GPATCH1: variants seen among roughly 807,000 people sequenced by gnomAD.
The protein encoded by GPATCH1 is G-patch domain containing 1.
Under a neutral mutation model 114.9 loss-of-function variants are expected in GPATCH1, and 73 were observed. The ratio of observed to expected loss-of-function variants is 0.64; its 90% CI spans 0.53 to 0.77. The LOEUF (loss-of-function observed/expected upper bound fraction) is 0.77. Among genes scored for constraint, GPATCH1 ranks in the 30% least tolerant of loss-of-function variants. GPATCH1 has a pLI of 0.00. For missense variants in GPATCH1, 1,058 were observed against 1,144.3 expected (o/e 0.92, Z 1.09); for synonymous variants, 391 against 428.4 (o/e 0.91, Z 1.08).
At chr19:33,087,341 G>C (rs1448454413) in intron 1 of GPATCH1, among the ~76,000 whole-genome samples, 1 of 152,038 alleles carries the variant, frequency 6.6e-6, no homozygotes, top group Admixed American at 6.6e-5. Context: ...ATAGTACCTG[G>C]GAGTTTAAAC....
At position 33,090,960 on chromosome 19, in the gene GPATCH1, C is replaced by G. The variant is rs574722828; in HGVS notation, c.294+95C>G. 5.5e-6 allele frequency: 4 copies of G among 730,490 alleles called. No homozygotes were observed. In the East Asian group the frequency reaches 1.0e-4, roughly 19 times the overall value. The allele number at this position is 730,490 out of a possible 1,614,324, so 45.3% of individuals were successfully genotyped here. On this transcript the variant is annotated intron_variant, in intron 3 of 19. Transcript: ENST00000170564. ...CTCTCTCCCCAGAAGGTCCAATGTACGATTTCCTCTTTGTTTGTAAGGCTT... is the reference window on the plus strand; with the variant it reads ...CTCTCTCCCCAGAAGGTCCAATGTAGGATTTCCTCTTTGTTTGTAAGGCTT...
Position 33,097,918 on chromosome 19 carries a change from C to T in GPATCH1, c.1000+16C>T. 1 of 1,612,688 alleles carries T rather than the reference C, an allele frequency of 6.2e-7. No homozygotes were observed. The highest frequency in any genetic ancestry group is 2.2e-5 in the East Asian group (1 of 44,876). On this transcript the variant is annotated intron_variant, in intron 8 of 19. Transcript: ENST00000170564. Reference sequence around the variant, plus strand: ...AACCAGAAAGGTAATTCGACAGCCACAAACCTAATGGCAGGACCAAGTGTC... The same window carrying T: ...AACCAGAAAGGTAATTCGACAGCCATAAACCTAATGGCAGGACCAAGTGTC...
intron 16 of GPATCH1, 146 bp from the exon 17 acceptor site, chr19:33,118,864 G>A (rs1972945272): frequency 3.6e-6 from 2 of 553,270 alleles, no homozygotes; most frequent in Non-Finnish European, 6.4e-6. Context: ...CGGGGTCTGC[G>A]TGTTCACTGC....
chr19:33,106,353 T>A (rs1454138295), intron 9 of GPATCH1, among the ~76,000 whole-genome samples: 1 of 152,184 alleles, frequency 6.6e-6, no homozygotes, highest in African/African-American at 2.4e-5. Flanking sequence ...TTTTCTGATG[T>A]ACAGTGGGCC....
chr19:33,110,995 T>TTG (rs56841831), intron 11 of GPATCH1, among the ~76,000 whole-genome samples: 11 of 147,650 alleles, frequency 7.5e-5, no homozygotes, highest in African/African-American at 2.7e-4. Flanking sequence ...TAAAATATAT[T>TTG]ATATATATAT....
At chr19:33,127,502 C>G (rs578099738) in intron 19 of GPATCH1, among the ~76,000 whole-genome samples, 3 of 143,776 alleles carry the variant, frequency 2.1e-5, no homozygotes, top group African/African-American at 7.8e-5. Flanking sequence ...GGCGACAGAG[C>G]GAGACTCTTG....
chr19:33,101,484 T>A lies in GPATCH1; in HGVS notation c.1001-11T>A. 1.3e-6 allele frequency: 2 copies of A among 1,488,238 alleles called. No individual in the cohort carries two copies. Among genetic ancestry groups the A allele is most frequent in the Non-Finnish European group, 9.4e-7 (1 of 1,066,356 alleles). 92.2% of individuals were successfully genotyped at this position (1,488,238 alleles called of 1,614,324 possible). A position where few individuals can be genotyped will look rare whatever the true frequency, so the allele number is the denominator to read the frequency against. Reference sequence around the variant, plus strand: ...CTACTTCTGGAATTAATCTATGACATCATTTTGTAGAATCAGAGAAAGACC... The same window carrying A: ...CTACTTCTGGAATTAATCTATGACAACATTTTGTAGAATCAGAGAAAGACC... On this transcript the variant is annotated splice_polypyrimidine_tract_variant and intron_variant, in intron 8 of 19. Transcript: ENST00000170564.
rs1408761172 is a variant in GPATCH1, at chr19:33,109,704, T to A, written c.1286-13T>A. On this transcript the variant is annotated splice_polypyrimidine_tract_variant and intron_variant, in intron 10 of 19. Coordinates refer to ENST00000170564, the MANE Select transcript of GPATCH1 (RefSeq NM_018025.3). Reference sequence around the variant, plus strand: ...GGCTCTTTTCATCTCTTCTAATTACTGTTTTTATTTAGGTTCAGCTACTTC... The same window carrying A: ...GGCTCTTTTCATCTCTTCTAATTACAGTTTTTATTTAGGTTCAGCTACTTC... 6.6e-7 allele frequency: 1 copy of A among 1,516,532 alleles called. No individual in the cohort carries two copies. The highest frequency in any genetic ancestry group is 1.4e-5 in the African/African-American group (1 of 71,650). The allele number at this position is 1,516,532 out of a possible 1,614,324, so 93.9% of individuals were successfully genotyped here. A position where few individuals can be genotyped will look rare whatever the true frequency, so the allele number is the denominator to read the frequency against.
intron 1 of GPATCH1, among the ~76,000 whole-genome samples, chr19:33,083,320 A>G (rs1427013560): frequency 6.6e-6 from 1 of 150,686 alleles, no homozygotes; most frequent in Non-Finnish European, 1.5e-5. Flanking sequence ...GGCCTCAAGT[A>G]GTCTTCCCAG....
rs267605415 is a variant in GPATCH1, at chr19:33,111,774, C to T, written c.1636C>T (p.Arg546Cys). The T allele has an allele frequency of 7.4e-6, 12 of 1,613,940 alleles. No homozygotes were observed. The highest frequency in any genetic ancestry group is 4.5e-5 in the East Asian group (2 of 44,874). The change falls in exon 12 of 20, where the codon CGT becomes TGT. Residue 546 changes from arginine to cysteine, a missense_variant. Coordinates refer to ENST00000170564, the MANE Select transcript of GPATCH1 (RefSeq NM_018025.3). ...CAGCATGACAGAGTGGGAGCGAGGC[C>T]GTGAGCGGGATGAGTTTGCCCGGGC... ...DPSMTEWERGRERDEFARAAL... is the reference protein window; with the variant it reads ...DPSMTEWERGCERDEFARAAL...
At position 33,130,519 on chromosome 19, in the gene GPATCH1, G is replaced by A. The variant is rs902460485; in HGVS notation, c.*359G>A. 5 of 179,282 alleles carry A rather than the reference G, an allele frequency of 2.8e-5. No individual in the cohort carries two copies. Among genetic ancestry groups the A allele is most frequent in the South Asian group, 1.8e-4 (1 of 5,602 alleles). The allele number at this position is 179,282 out of a possible 1,614,324, so 11.1% of individuals were successfully genotyped here. On this transcript the variant is annotated 3_prime_UTR_variant, in exon 20 of 20. Coordinates refer to ENST00000170564, the MANE Select transcript of GPATCH1 (RefSeq NM_018025.3). ...AGCCTGGACTCACTGAAGGACAAGC[G>A]TGTGAGAAGGGGCGGTTGCGGCCCC...
intron 10 of GPATCH1, among the ~76,000 whole-genome samples, chr19:33,108,053 TC>T (rs1005508706): frequency 6.6e-6 from 1 of 151,850 alleles, no homozygotes; most frequent in Non-Finnish European, 1.5e-5. Context: ...TCCCGCACCC[TC>T]CCTGACCCTC....
At chr19:33,121,044 T>TA (rs1258511522) in intron 17 of GPATCH1, among the ~76,000 whole-genome samples, 2 of 151,370 alleles carry the variant, frequency 1.3e-5, no homozygotes, top group African/African-American at 2.4e-5. Context: ...AAAGAGAAAT[T>TA]AAAAAAATAG....
chr19:33,117,812 A>G lies in GPATCH1; in HGVS notation c.2197-13A>G. 6.3e-7 allele frequency: 1 copy of G among 1,595,780 alleles called. No individual in the cohort carries two copies. Among genetic ancestry groups the G allele is most frequent in the Non-Finnish European group, 8.6e-7 (1 of 1,164,694 alleles). ...CCTCTGTATCCCTGACTCTTATTTC[A>G]CTGTCAATACAGACCGTCAACAAAG... is the stretch of plus-strand genomic sequence containing the variant. On this transcript the variant is annotated splice_polypyrimidine_tract_variant and intron_variant, in intron 15 of 19. Coordinates refer to ENST00000170564, the MANE Select transcript of GPATCH1 (RefSeq NM_018025.3).
At chr19:33,110,953 C>A (rs1211097755) in intron 11 of GPATCH1, among the ~76,000 whole-genome samples, 7 of 147,166 alleles carry the variant, frequency 4.8e-5, no homozygotes, top group African/African-American at 2.5e-5. Context: ...GATCCTGCCT[C>A]TACCAAAAAA....
intron 8 of GPATCH1, among the ~76,000 whole-genome samples, chr19:33,099,283 T>C (rs899529153): frequency 7.9e-5 from 12 of 151,666 alleles, no homozygotes; most frequent in African/African-American, 2.7e-4. Context: ...AAATGATATT[T>C]AATATACAAC....
chr19:33,113,428 C>T (rs760713743), intron 13 of GPATCH1: 3 of 202,240 alleles, frequency 1.5e-5, no homozygotes, highest in Non-Finnish European at 3.0e-5. Context: ...GGTGACAAGG[C>T]GAGACTCAAT....
Position 33,095,809 on chromosome 19 carries a change from G to A in GPATCH1, c.601G>A (p.Glu201Lys), listed in dbSNP as rs147628604. The A allele has an allele frequency of 4.2e-5, 68 of 1,608,764 alleles. No homozygotes were observed. In the African/African-American group the frequency reaches 8.5e-4, roughly 20 times the overall value. ...CTGTGCATTACCCCCTGGAAGCTCGGAAGGATCTGAGGTATTGCATGGTGT... is the reference window on the plus strand; with the variant it reads ...CTGTGCATTACCCCCTGGAAGCTCGAAAGGATCTGAGGTATTGCATGGTGT... ...YGCALPPGSSEGSEGEDDDYL... is the reference protein window; with the variant it reads ...YGCALPPGSSKGSEGEDDDYL... Residue 201 changes from glutamate to lysine, a missense_variant, in exon 6 of 20, where the codon GAA (glutamate) becomes AAA (lysine). By Grantham distance (56) the Glu-to-Lys change is moderately conservative (BLOSUM62 1). Around this residue, in one of 3 missense-constraint regions of GPATCH1, gnomAD observed 893 missense variants for 977.4 expected, o/e 0.91. Coordinates refer to ENST00000170564, the MANE Select transcript of GPATCH1 (RefSeq NM_018025.3).
chr19:33,125,210 A>C lies in GPATCH1; in HGVS notation c.2619+8A>C. The C allele has an allele frequency of 6.3e-7, 1 of 1,584,176 alleles. No individual in the cohort carries two copies. On this transcript the variant is annotated splice_region_variant and intron_variant, in intron 18 of 19. Transcript: ENST00000170564. ...AGGCGGAAGAAAGAGAAGGTGAGAG[A>C]CTTGTGTGTACCCCAGGATCAGTGT...
Sources: allele counts gnomAD v4.1 joint callset (sites outside exome capture counted in the v4.1 genomes callset), GRCh38; gene constraint gnomAD v4.1.1; regional missense constraint gnomAD v4.1.1; transcripts MANE v1.5; gene names NCBI Gene and HGNC (gene_info 2026-07-23, HGNC 2026-07-21).